Variants in RBM47 observed in about 807,000 individuals in gnomAD.
The protein encoded by RBM47 is RNA binding motif protein 47.
In RBM47, 21 loss-of-function variants were observed where a neutral mutation model predicts 47.1. That is an observed-to-expected ratio of 0.45 (90% CI 0.32 to 0.64). The LOEUF is 0.64. Among genes scored for constraint, RBM47 ranks in the 30% least tolerant of loss-of-function variants. The pLI is 0.05. For missense variants in RBM47, 708 were observed against 870.9 expected (o/e 0.81, Z 2.35); for synonymous variants, 375 against 361.7 (o/e 1.04, Z -0.42).
At chr4:40,530,064 G>A (rs1304587054) in intron 2 of RBM47, among the ~76,000 whole-genome samples, 1 of 145,880 alleles carries the variant, frequency 6.9e-6, no homozygotes, top group Non-Finnish European at 1.5e-5. Flanking sequence ...GCCTCCCGAT[G>A]AGCTGGGATT....
intron 2 of RBM47, among the ~76,000 whole-genome samples, chr4:40,479,096 C>T (rs1334474623): frequency 6.6e-6 from 1 of 152,134 alleles, no homozygotes; most frequent in Non-Finnish European, 1.5e-5. Flanking sequence ...AGCTAATTAA[C>T]CAGTATTGAA....
At chr4:40,587,863 C>T (rs1413455040) in intron 1 of RBM47, among the ~76,000 whole-genome samples, 1 of 152,182 alleles carries the variant, frequency 6.6e-6, no homozygotes, top group Non-Finnish European at 1.5e-5. Flanking sequence ...GGAAAAAGGA[C>T]AAAATTGCAG....
intron 2 of RBM47, among the ~76,000 whole-genome samples, chr4:40,524,346 C>G (rs2154257617): frequency 6.6e-6 from 1 of 152,328 alleles, no homozygotes; most frequent in Non-Finnish European, 1.5e-5. Context: ...TGGAACCCAC[C>G]AGACTCCAAA....
chr4:40,437,151 A>AT lies in RBM47; in HGVS notation c.1124-505_1124-504insA, dbSNP rs1560357639. Among the ~76,000 whole-genome samples the AT allele has an allele frequency of 2.2e-3, 105 of 48,278 alleles. 3 individuals are homozygous for AT. Among genetic ancestry groups the AT allele is most frequent in the South Asian group, 0.012 (14 of 1,128 alleles). 31.7% of individuals were successfully genotyped at this position (48,278 alleles called of 152,430 possible). A position where few individuals can be genotyped will look rare whatever the true frequency, so the allele number is the denominator to read the frequency against. On this transcript the variant is annotated intron_variant, in intron 4 of 6. Coordinates refer to ENST00000295971, the MANE Select transcript of RBM47 (RefSeq NM_001098634.2). ...ATATATAAAATACATATATATATAT[A>AT]AAATACATATATATATATATAATAC...
At chr4:40,464,791 T>C (rs907051314) in intron 3 of RBM47, among the ~76,000 whole-genome samples, 5 of 143,996 alleles carry the variant, frequency 3.5e-5, no homozygotes, top group Non-Finnish European at 7.5e-5. Context: ...CTCGGGAGGC[T>C]GAGGCAGGAG....
chr4:40,594,095 A>T (rs1213419160), intron 1 of RBM47, among the ~76,000 whole-genome samples: 1 of 151,660 alleles, frequency 6.6e-6, no homozygotes, highest in Non-Finnish European at 1.5e-5. Context: ...AAAGAAAATC[A>T]TTTTTCTCTT....
rs2340880 is a variant in RBM47 at position 40,585,277 on chromosome 4, T to A, written c.-239-40771A>T. Among the ~76,000 whole-genome samples the A allele has an allele frequency of 9.7e-3, 1,480 of 152,220 alleles. 34 individuals carry two copies. The highest frequency in any genetic ancestry group is 0.034 in the African/African-American group (1,424 of 41,540). On this transcript the variant is annotated intron_variant, in intron 1 of 6. Coordinates refer to ENST00000295971, the MANE Select transcript of RBM47 (RefSeq NM_001098634.2). Reference sequence around the variant, plus strand: ...TGTCCATAGGGGAAAAAAATGGGTATGGAATGGAATTTGTGAGCCAAATGA... The same window carrying A: ...TGTCCATAGGGGAAAAAAATGGGTAAGGAATGGAATTTGTGAGCCAAATGA...
At chr4:40,605,691 C>T (rs946455682) in intron 1 of RBM47, among the ~76,000 whole-genome samples, 6 of 151,204 alleles carry the variant, frequency 4.0e-5, no homozygotes, top group African/African-American at 9.7e-5. Context: ...ATTAGCCAGG[C>T]GAGGTGGCAC....
At chr4:40,475,426 G>C (rs2154238935) in intron 2 of RBM47, among the ~76,000 whole-genome samples, 1 of 152,262 alleles carries the variant, frequency 6.6e-6, no homozygotes, top group African/African-American at 2.4e-5. Context: ...TGAAGATCTA[G>C]ATTTTTCAAG....
intron 2 of RBM47, among the ~76,000 whole-genome samples, chr4:40,509,754 C>T (rs1006804757): frequency 5.9e-5 from 9 of 151,468 alleles, no homozygotes; most frequent in African/African-American, 1.5e-4. Flanking sequence ...GGCGTGGTGG[C>T]GGGCGCCTGT....
At chr4:40,553,719 CTAGTCAA>C (rs1194081774) in intron 1 of RBM47, among the ~76,000 whole-genome samples, 1 of 152,136 alleles carries the variant, frequency 6.6e-6, no homozygotes, top group Non-Finnish European at 1.5e-5. Context: ...GGGTCTAGCA[CTAGTCAA>C]TAGTCAATAT....
At chr4:40,458,693 G>A (rs1716650101) in intron 3 of RBM47, among the ~76,000 whole-genome samples, 1 of 152,008 alleles carries the variant, frequency 6.6e-6, no homozygotes. Flanking sequence ...GAAAATATGT[G>A]TTCTTTTTAT....
intron 3 of RBM47, among the ~76,000 whole-genome samples, chr4:40,443,180 G>A (rs2154215703): frequency 6.6e-6 from 1 of 152,226 alleles, no homozygotes; most frequent in South Asian, 2.1e-4. Context: ...GGGAATTAGT[G>A]CTTCATGGGT....
intron 1 of RBM47, among the ~76,000 whole-genome samples, chr4:40,609,525 C>T (rs1235486923): frequency 6.6e-6 from 1 of 151,556 alleles, no homozygotes; most frequent in South Asian, 2.1e-4. Context: ...GTTGGCCAGG[C>T]TGGTCTCGAA....
intron 2 of RBM47, among the ~76,000 whole-genome samples, chr4:40,527,151 C>G (rs772649382): frequency 6.6e-6 from 1 of 152,168 alleles, no homozygotes; most frequent in Non-Finnish European, 1.5e-5. Context: ...CTCACTCTCT[C>G]TTGCCCAGGC....
intron 5 of RBM47, among the ~76,000 whole-genome samples, chr4:40,435,497 G>A (rs1298089270): frequency 4.6e-5 from 7 of 152,070 alleles, no homozygotes; most frequent in Non-Finnish European, 8.8e-5. Flanking sequence ...GCAGTGTGCC[G>A]AGATCATGCC....
intron 2 of RBM47, among the ~76,000 whole-genome samples, chr4:40,496,933 C>T (rs1286860814): frequency 2.0e-5 from 3 of 151,150 alleles, no homozygotes; most frequent in Non-Finnish European, 4.4e-5. Context: ...CCCAGCTACT[C>T]AGGAGGCTGA....
chr4:40,608,927 A>G (rs2154278835), intron 1 of RBM47, among the ~76,000 whole-genome samples: 1 of 152,286 alleles, frequency 6.6e-6, no homozygotes, highest in Non-Finnish European at 1.5e-5. Context: ...TGGAAAAACG[A>G]GATGACACGA....
At chr4:40,572,137 C>T (rs1039624942) in intron 1 of RBM47, among the ~76,000 whole-genome samples, 10 of 149,704 alleles carry the variant, frequency 6.7e-5, no homozygotes, top group African/African-American at 1.7e-4. Context: ...AATCCCAGCA[C>T]TTTGGGAGGC....
Sources: gnomAD v4.1 joint callset for allele counts (sites outside exome capture counted in the v4.1 genomes callset) on GRCh38, gnomAD v4.1.1 for gene constraint, MANE v1.5 for transcripts, NCBI Gene and HGNC (gene_info 2026-07-23, HGNC 2026-07-21) for gene names.